The following CLASRP variants were observed in gnomAD, a reference collection of about 807,000 sequenced individuals.
The protein encoded by CLASRP is CLK4 associating serine/arginine rich protein, also known as CLK4-associating serine/arginine rich protein.
Under a neutral mutation model 99.9 loss-of-function variants are expected in CLASRP, and 52 were observed. The ratio of observed to expected loss-of-function variants is 0.52; its 90% CI spans 0.42 to 0.66. CLASRP has a LOEUF of 0.66. Ranked by LOEUF, CLASRP falls within the 30% of genes least tolerant of loss-of-function variation. The pLI, the probability that CLASRP is intolerant of heterozygous loss-of-function variation, is 0.00. For missense variants in CLASRP, 848 were observed against 999.2 expected (o/e 0.85, Z 2.04); for synonymous variants, 379 against 373.0 (o/e 1.02, Z -0.18).
chr19:45,068,254 T>G, intron 15 of CLASRP, 166 bp from the exon 16 acceptor site: 1 of 660,142 alleles, frequency 1.5e-6, no homozygotes. Flanking sequence ...CACCTGTCAC[T>G]GAACCTCTGG....
At chr19:45,046,359 A>T (rs1246776183) in intron 2 of CLASRP, among the ~76,000 whole-genome samples, 1 of 152,154 alleles carries the variant, frequency 6.6e-6, no homozygotes, top group Non-Finnish European at 1.5e-5. Context: ...GTCCTTGTCA[A>T]CTTTCCTTTT....
At chr19:45,043,595 A>T (rs1971858302) in intron 2 of CLASRP, among the ~76,000 whole-genome samples, 1 of 152,122 alleles carries the variant, frequency 6.6e-6, no homozygotes, top group South Asian at 2.1e-4. Flanking sequence ...CATTTAATTG[A>T]TCCTTCGCAG....
chr19:45,067,657 T>C lies in CLASRP; in HGVS notation c.1667+63T>C. 1 of 1,440,816 alleles carries C rather than the reference T, an allele frequency of 6.9e-7. No individual in the cohort carries two copies. Among genetic ancestry groups the C allele is most frequent in the Non-Finnish European group, 9.4e-7 (1 of 1,063,868 alleles). 89.3% of individuals were successfully genotyped at this position (1,440,816 alleles called of 1,614,324 possible). ...CTCGGGTGGGGAGGGTGAACATCACTGTTTTCTTTTTGAGGGGAACTTAGC... is the reference window on the plus strand; with the variant it reads ...CTCGGGTGGGGAGGGTGAACATCACCGTTTTCTTTTTGAGGGGAACTTAGC... On this transcript the variant is annotated intron_variant, in intron 14 of 20. Coordinates refer to ENST00000221455, the MANE Select transcript of CLASRP (RefSeq NM_007056.3). This position sits in a 1 kb window ranked among gnomAD's most constrained non-coding sequence, Gnocchi z 4.9.
chr19:45,068,311 T>TGCCCCCCCC, intron 15 of CLASRP, 109 bp from the exon 16 acceptor site: 1 of 543,616 alleles, frequency 1.8e-6, no homozygotes, highest in Non-Finnish European at 3.3e-6. Context: ...CACGTCGTTC[T>TGCCCCCCCC]CCCCCCCCCA....
intron 20 of CLASRP, 70 bp downstream of exon 20, chr19:45,070,631 C>A: frequency 6.8e-7 from 1 of 1,466,496 alleles, no homozygotes; most frequent in Non-Finnish European, 9.6e-7. Flanking sequence ...TCCTGGCTGT[C>A]ATTCCTCCAG....
At chr19:45,052,360 G>A (rs1972040987) in intron 3 of CLASRP, among the ~76,000 whole-genome samples, 192 bp downstream of exon 3, 1 of 152,158 alleles carries the variant, frequency 6.6e-6, no homozygotes, top group African/African-American at 2.4e-5. Context: ...TTGGGGTGGA[G>A]GCCCCAGAGT....
rs747539811 is a variant in CLASRP, at chr19:45,057,870, G to A, written c.585G>A (p.Ser195=). ...CAGCGGCCGAGGAGGAGAGCAACTC[G>A]GACGAAGATGAGGTCATCCCCGACA... ...EESAAEEESN[S]DEDEVIPDID... Residue 195 remains serine, a synonymous_variant, in exon 7 of 21, where the codon TCG becomes TCA. Transcript: ENST00000221455. 70 of 1,613,852 alleles carry A rather than the reference G, an allele frequency of 4.3e-5. No individual in the cohort carries two copies. The Middle Eastern group carries it at 6.6e-4, about 15-fold the overall frequency.
chr19:45,064,445 C>T lies in CLASRP; in HGVS notation c.1224C>T (p.Tyr408=). The T allele has an allele frequency of 1.3e-6, 2 of 1,528,618 alleles. No individual in the cohort carries two copies. The highest frequency in any genetic ancestry group is 1.8e-6 in the Non-Finnish European group (2 of 1,139,310). The allele number at this position is 1,528,618 out of a possible 1,614,324, so 94.7% of individuals were successfully genotyped here. A position where few individuals can be genotyped will look rare whatever the true frequency, so the allele number is the denominator to read the frequency against. Residue 408 remains tyrosine, a synonymous_variant, in exon 13 of 21, where the codon TAC becomes TAT. Coordinates refer to ENST00000221455, the MANE Select transcript of CLASRP (RefSeq NM_007056.3). ...CCCGCTCTCGCCGTGGTGGGGGCTA[C>T]TACCGTTCCGGCCGCCACGCCCGCT... The part of the protein sequence containing the change: ...SSSRSRRGGG[Y]YRSGRHARSR...
chr19:45,064,335 G>A lies in CLASRP; in HGVS notation c.1122-8G>A. 6.6e-7 allele frequency: 1 copy of A among 1,522,524 alleles called. No homozygotes were observed. The highest frequency in any genetic ancestry group is 8.8e-7 in the Non-Finnish European group (1 of 1,139,180). 94.3% of individuals were successfully genotyped at this position (1,522,524 alleles called of 1,614,324 possible). On this transcript the variant is annotated splice_polypyrimidine_tract_variant and splice_region_variant and intron_variant, in intron 12 of 20. Transcript: ENST00000221455. The stretch of plus-strand genomic sequence containing the variant: ...TGCGCTGACCGGCCCTCCGTGCCCC[G>A]CCTGCAGCCGCCGCTCCTCCTCCTC...
chr19:45,045,293 A>G (rs1430553161), intron 2 of CLASRP, among the ~76,000 whole-genome samples: 1 of 152,228 alleles, frequency 6.6e-6, no homozygotes, highest in Non-Finnish European at 1.5e-5. Flanking sequence ...AGGCAGGAGG[A>G]CTGCTTGAGC....
Position 45,070,097 on chromosome 19 carries a change from C to G in CLASRP, c.1950C>G (p.Pro650=). The G allele has an allele frequency of 6.3e-7, 1 of 1,578,912 alleles. No individual in the cohort carries two copies. Among genetic ancestry groups the G allele is most frequent in the Non-Finnish European group, 8.7e-7 (1 of 1,147,904 alleles). ...GCCGGCAGAGCCGCTCACCCTCCCC[C>G]CGATACAGTGAGTGTCCCCACCAGG... The part of the protein sequence containing the change: ...QYSRQSRSPS[P]RYSREYSSSR... Residue 650 remains proline (P), a synonymous_variant, in exon 19 of 21, where the codon CCC becomes CCG. Transcript: ENST00000221455.
intron 5 of CLASRP, 107 bp downstream of exon 5, chr19:45,053,284 G>C: frequency 9.2e-7 from 1 of 1,092,708 alleles, no homozygotes; most frequent in Non-Finnish European, 1.4e-6. Flanking sequence ...TCTACTAAAG[G>C]GCCTTGGGTT....
At chr19:45,063,959 C>T (rs1967001697) in intron 11 of CLASRP, 53 bp from the exon 12 acceptor site, 2 of 1,535,800 alleles carry the variant, frequency 1.3e-6, no homozygotes, top group East Asian at 2.4e-5. Flanking sequence ...TGTGCTGTTC[C>T]CGAAGAGGCT....
At chr19:45,057,197 C>T (rs767412777) in intron 6 of CLASRP, among the ~76,000 whole-genome samples, 3 of 152,206 alleles carry the variant, frequency 2.0e-5, no homozygotes, top group Non-Finnish European at 4.4e-5. Flanking sequence ...CCCTGGTGCA[C>T]GGTAGCCTGG....
Position 45,067,478 on chromosome 19 carries a change from C to T in CLASRP, c.1551C>T (p.Ser517=), listed in dbSNP as rs1167930480. 3 of 1,565,914 alleles carry T rather than the reference C, an allele frequency of 1.9e-6. No homozygotes were observed. The highest frequency in any genetic ancestry group is 2.6e-6 in the Non-Finnish European group (3 of 1,161,184). ...SLTRSRSHSP[S]PSQSRSRSRS... Reference sequence around the variant, plus strand: ...CTCGCAGCCGCAGCCATAGCCCCAGCCCCAGCCAGAGCCGCAGCCGCAGCC... The same window carrying T: ...CTCGCAGCCGCAGCCATAGCCCCAGTCCCAGCCAGAGCCGCAGCCGCAGCC... The change falls in exon 14 of 21, where the codon AGC becomes AGT. Residue 517 remains serine, a synonymous_variant. Transcript: ENST00000221455. The surrounding 1 kb of genome is among the most constrained non-coding windows in gnomAD (Gnocchi z 4.9).
At position 45,059,102 on chromosome 19, in the gene CLASRP, G is replaced by A. The variant is rs73939603; in HGVS notation, c.614-166G>A. Among the ~76,000 whole-genome samples the A allele has an allele frequency of 9.6e-3, 1,456 of 152,252 alleles. 24 individuals are homozygous for A. The highest frequency in any genetic ancestry group is 0.034 in the African/African-American group (1,412 of 41,538). Reference sequence around the variant, plus strand: ...GTTGTGCTCACCTCTGGCAAGCCCAGTGCCAGCCTAGGGCATGCCAAGATG... The same window carrying A: ...GTTGTGCTCACCTCTGGCAAGCCCAATGCCAGCCTAGGGCATGCCAAGATG... On this transcript the variant is annotated intron_variant, in intron 7 of 20. Coordinates refer to ENST00000221455, the MANE Select transcript of CLASRP (RefSeq NM_007056.3).
At chr19:45,039,572 G>A (rs1971773392) in intron 1 of CLASRP, 1 of 152,152 alleles carries the variant, frequency 6.6e-6, no homozygotes, top group African/African-American at 2.4e-5. Context: ...CCCATCTTTA[G>A]ACCTCAGCTT....
chr19:45,054,577 G>T (rs1489483758), intron 5 of CLASRP, among the ~76,000 whole-genome samples: 1 of 152,110 alleles, frequency 6.6e-6, no homozygotes, highest in Non-Finnish European at 1.5e-5. Context: ...CAAGAATGTC[G>T]AGGGGGAACA....
chr19:45,055,300 C>T (rs1324269896), intron 5 of CLASRP, among the ~76,000 whole-genome samples: 1 of 152,196 alleles, frequency 6.6e-6, no homozygotes, highest in Non-Finnish European at 1.5e-5. Flanking sequence ...GATTCCAGGC[C>T]GAGAGCAGCC....
Sources: allele counts gnomAD v4.1 joint callset (sites outside exome capture counted in the v4.1 genomes callset), GRCh38; gene constraint gnomAD v4.1.1; non-coding constraint Gnocchi (gnomAD v3.1); transcripts MANE v1.5; gene names NCBI Gene and HGNC (gene_info 2026-07-23, HGNC 2026-07-21).